The following XKR7 variants were observed in gnomAD, a reference collection of about 807,000 sequenced individuals.
XKR7 encodes XK related 7.
XKR7 carries 11 observed loss-of-function variants against 42.2 expected under a neutral mutation model. The observed-to-expected ratio is 0.26, with a 90% confidence interval of 0.16 to 0.43. The LOEUF is 0.43. XKR7 is among the 20% of genes least tolerant of loss of function. XKR7 has a pLI of 1.00. For synonymous variants in XKR7, 346 were observed against 366.4 expected (o/e 0.94, Z 0.64); for missense variants, 710 against 802.2 (o/e 0.89, Z 1.39).
In XKR7 at chr20:31,997,536, C is replaced by T; in HGVS notation, c.*79C>T. 2 of 1,341,948 alleles carry T rather than the reference C, an allele frequency of 1.5e-6. No individual in the cohort carries two copies. Among genetic ancestry groups the T allele is most frequent in the Non-Finnish European group, 2.0e-6 (2 of 992,172 alleles). The allele number at this position is 1,341,948 out of a possible 1,614,324, so 83.1% of individuals were successfully genotyped here. A position where few individuals can be genotyped will look rare whatever the true frequency, so the allele number is the denominator to read the frequency against. ...CAGTGTTGTGCCCCGAATTTCAGGG[C>T]CACCAGGCTAAGGGGGAGTGGATCT... On this transcript the variant is annotated 3_prime_UTR_variant, in exon 3 of 3. Transcript: ENST00000562532.
In XKR7 at chr20:31,995,574, C is replaced by G. The variant is rs765464924; in HGVS notation, c.787+304C>G. Among the ~76,000 whole-genome samples, 3 of 152,036 alleles carry G rather than the reference C, an allele frequency of 2.0e-5. No homozygotes were observed. The highest frequency in any genetic ancestry group is 2.9e-5 in the Non-Finnish European group (2 of 67,974). ...TCCCTTCCCCGTTGCCAGAGCCAAC[C>G]AAACCCCATCTCCCACCCAAACACC... On this transcript the variant is annotated intron_variant, in intron 2 of 2. Coordinates refer to ENST00000562532, the MANE Select transcript of XKR7 (RefSeq NM_001011718.2). The surrounding 1 kb of genome is among the most constrained non-coding windows in gnomAD (Gnocchi z 4.1).
At position 31,995,955 on chromosome 20, in the gene XKR7, C is replaced by T. The variant is rs1367309016; in HGVS notation, c.788-550C>T. ...AAAAGACTATCACCACCCCTCATGG[C>T]CCTGGGGACCCCTTGCCCAGTTACG... On this transcript the variant is annotated intron_variant, in intron 2 of 2. Transcript: ENST00000562532. The surrounding 1 kb of genome is among the most constrained non-coding windows in gnomAD (Gnocchi z 4.1). 6.6e-6 allele frequency among the ~76,000 whole-genome samples: 1 copy of T among 151,590 alleles called. No homozygotes were observed. The highest frequency in any genetic ancestry group is 1.5e-5 in the Non-Finnish European group (1 of 67,868).
In XKR7 at chr20:31,997,492, G is replaced by A; in HGVS notation, c.*35G>A. 2.6e-6 allele frequency: 4 copies of A among 1,545,640 alleles called. No individual in the cohort carries two copies. The highest frequency in any genetic ancestry group is 2.6e-6 in the Non-Finnish European group (3 of 1,148,262). Reference sequence around the variant, plus strand: ...TCCCAGCACAAAAGGGACAGGCTTGGCTGATCCCACATCCGCCGCAGTGTT... The same window carrying A: ...TCCCAGCACAAAAGGGACAGGCTTGACTGATCCCACATCCGCCGCAGTGTT... On this transcript the variant is annotated 3_prime_UTR_variant, in exon 3 of 3. Coordinates refer to ENST00000562532, the MANE Select transcript of XKR7 (RefSeq NM_001011718.2).
intron 1 of XKR7, among the ~76,000 whole-genome samples, chr20:31,994,013 G>A (rs1242969064): frequency 1.3e-5 from 2 of 152,218 alleles, no homozygotes; most frequent in African/African-American, 4.8e-5. Flanking sequence ...TGTGCAGAGT[G>A]GCCAAGAAGA....
At chr20:31,996,324 C>T (rs2064591132) in intron 2 of XKR7, among the ~76,000 whole-genome samples, 181 bp from the exon 3 acceptor site, 1 of 152,076 alleles carries the variant, frequency 6.6e-6, no homozygotes, top group Admixed American at 6.5e-5. Flanking sequence ...CACCACACCT[C>T]TTCATGGCTC....
At chr20:31,979,113 C>T (rs995493551) in intron 1 of XKR7, among the ~76,000 whole-genome samples, 18 of 146,420 alleles carry the variant, frequency 1.2e-4, no homozygotes, top group South Asian at 8.6e-4. Context: ...CCAGCCTGGG[C>T]GACAGAGTGA....
intron 1 of XKR7, among the ~76,000 whole-genome samples, chr20:31,986,903 A>G (rs568661270): frequency 5.9e-5 from 9 of 151,540 alleles, no homozygotes; most frequent in African/African-American, 2.2e-4. Flanking sequence ...CAGACCACCA[A>G]GCCGACCCAG....
At chr20:31,977,941 G>T (rs1328336548) in intron 1 of XKR7, among the ~76,000 whole-genome samples, 1 of 152,126 alleles carries the variant, frequency 6.6e-6, no homozygotes, top group African/African-American at 2.4e-5. Flanking sequence ...GATCTCTAAA[G>T]CCCCTTAGTT....
intron 1 of XKR7, among the ~76,000 whole-genome samples, chr20:31,985,857 G>C (rs1337099099): frequency 8.1e-6 from 1 of 122,796 alleles, no homozygotes; most frequent in East Asian, 2.5e-4. Flanking sequence ...CCACCAAGCG[G>C]ACCCAGCATC....
rs1384326375 is a variant in XKR7, at chr20:31,997,883, A to T, written c.*426A>T. ...AGAGTGGGCTGCCTCTATGGTGGGA[A>T]AAGATCTCTGAGAAGGATGGAGGTG... On this transcript the variant is annotated 3_prime_UTR_variant, in exon 3 of 3. Coordinates refer to ENST00000562532, the MANE Select transcript of XKR7 (RefSeq NM_001011718.2). 1.1e-5 allele frequency: 2 copies of T among 176,988 alleles called. No homozygotes were observed. Among genetic ancestry groups the T allele is most frequent in the Non-Finnish European group, 2.4e-5 (2 of 82,488 alleles). 11.0% of individuals were successfully genotyped at this position (176,988 alleles called of 1,614,324 possible).
chr20:31,994,564 G>A (rs1568891809), intron 1 of XKR7, among the ~76,000 whole-genome samples: 2 of 152,080 alleles, frequency 1.3e-5, no homozygotes, highest in African/African-American at 4.8e-5. Context: ...AAATTAGCCT[G>A]GTGTAGTGGT....
intron 1 of XKR7, among the ~76,000 whole-genome samples, chr20:31,989,900 G>A (rs189724910): frequency 1.3e-3 from 203 of 152,170 alleles, no homozygotes; most frequent in African/African-American, 4.2e-3. Flanking sequence ...GGCATGAGCC[G>A]CCACACCTGG....
rs1316263213 is a variant in XKR7 at position 31,994,960 on chromosome 20, C to T, written c.585-108C>T. The T allele has an allele frequency of 2.0e-6, 3 of 1,488,494 alleles. No homozygotes were observed. In the African/African-American group the frequency reaches 4.3e-5, roughly 21 times the overall value. The allele number at this position is 1,488,494 out of a possible 1,614,324, so 92.2% of individuals were successfully genotyped here. On this transcript the variant is annotated intron_variant, in intron 1 of 2. Coordinates refer to ENST00000562532, the MANE Select transcript of XKR7 (RefSeq NM_001011718.2). ...CATTTCACAGCTGAGGAAACAGGCT[C>T]AGCGTAGGGAGTGACTTGCCCCCTG...
chr20:31,971,591 G>A (rs1216705372), intron 1 of XKR7, among the ~76,000 whole-genome samples: 1 of 152,186 alleles, frequency 6.6e-6, no homozygotes, highest in Non-Finnish European at 1.5e-5. Context: ...TGTTCTGAGT[G>A]GTGGGGCCTG....
chr20:31,979,198 ATTTCTTTTTTTCT>A (rs2064499927), intron 1 of XKR7, among the ~76,000 whole-genome samples: 2 of 151,604 alleles, frequency 1.3e-5, no homozygotes, highest in African/African-American at 4.8e-5. Context: ...TGGAATTATG[ATTTCTTTTTTTCT>A]TTTCTTTTTC....
At position 31,995,074 on chromosome 20, in the gene XKR7, G is replaced by C. The variant is rs771288612; in HGVS notation, c.591G>C (p.Leu197=). The C allele has an allele frequency of 6.5e-7, 1 of 1,545,252 alleles. No homozygotes were observed. The highest frequency in any genetic ancestry group is 1.4e-5 in the African/African-American group (1 of 72,692). ...CACCGCGTCCTTCCCGCAGGTACCT[G>C]CGCGCCCTGTACCTGGGGCTGCAGA... The part of the protein sequence containing the change: ...LLQLGQVWRY[L]RALYLGLQSR... The change falls in exon 2 of 3, where the codon CTG becomes CTC. Residue 197 remains leucine, a synonymous_variant. Transcript: ENST00000562532. The surrounding 1 kb of genome is among the most constrained non-coding windows in gnomAD (Gnocchi z 4.1).
At position 31,998,339 on chromosome 20, in the gene XKR7, C is replaced by A. The variant is rs1371195252; in HGVS notation, c.*882C>A. On this transcript the variant is annotated 3_prime_UTR_variant, in exon 3 of 3. Transcript: ENST00000562532. ...CAGCAGATAAGATGTCTGGAAAGAT[C>A]TCTGGGCTCAAGTGCAGGTGAGGTT... The A allele has an allele frequency of 6.6e-6, 1 of 152,136 alleles. No individual in the cohort carries two copies. The highest frequency in any genetic ancestry group is 1.5e-5 in the Non-Finnish European group (1 of 68,022). The allele number at this position is 152,136 out of a possible 1,614,324, so 9.4% of individuals were successfully genotyped here.
In XKR7 at chr20:31,999,192, T is replaced by C. The variant is rs1331384144; in HGVS notation, c.*1735T>C. 4 of 152,092 alleles carry C rather than the reference T, an allele frequency of 2.6e-5. No homozygotes were observed. The allele number at this position is 152,092 out of a possible 1,614,324, so 9.4% of individuals were successfully genotyped here. ...TAGAGGGATGCTTAGCCCTCCCTGG[T>C]TCAGCCTCTCTTGGGTTACAGATGG... On this transcript the variant is annotated 3_prime_UTR_variant, in exon 3 of 3. Transcript: ENST00000562532.
chr20:31,997,828 CCTAGACCCTGTGCT>C lies in XKR7; in HGVS notation c.*373_*386del. ...AAAGGGCACTGTCTGGGGTCCATGA[CCTAGACCCTGTGCT>C]CCTCAGGGGTTGTGGAGAGTGGGCT... On this transcript the variant is annotated 3_prime_UTR_variant, in exon 3 of 3. Coordinates refer to ENST00000562532, the MANE Select transcript of XKR7 (RefSeq NM_001011718.2). The C allele has an allele frequency of 4.0e-6, 1 of 246,976 alleles. No homozygotes were observed. Among genetic ancestry groups the C allele is most frequent in the Non-Finnish European group, 7.8e-6 (1 of 127,420 alleles). The allele number at this position is 246,976 out of a possible 1,614,324, so 15.3% of individuals were successfully genotyped here.
Sources: allele counts gnomAD v4.1 joint callset (sites outside exome capture counted in the v4.1 genomes callset), GRCh38; gene constraint gnomAD v4.1.1; non-coding constraint Gnocchi (gnomAD v3.1); transcripts MANE v1.5; gene names NCBI Gene and HGNC (gene_info 2026-07-23, HGNC 2026-07-21).